The following PRKN variants were observed in gnomAD, a reference collection of about 807,000 sequenced individuals.
PRKN encodes the protein E3 ubiquitin-protein ligase parkin.
In PRKN, 56 loss-of-function variants were observed where a neutral mutation model predicts 59.5. The ratio of observed to expected loss-of-function variants is 0.94; its 90% CI spans 0.76 to 1.18. The LOEUF is 1.18. Among genes scored for constraint, PRKN ranks in the 50% most tolerant of loss-of-function variants. The probability of loss-of-function intolerance (pLI) is 0.00; values close to 1 mark genes in which losing one functional copy is unlikely to be tolerated. For missense variants in PRKN, 657 were observed against 596.4 expected, an observed-to-expected ratio of 1.10 and a Z score of -1.06; for synonymous variants, 250 against 222.1, an observed-to-expected ratio of 1.13 and a Z score of -1.12.
intron 6 of PRKN, among the ~76,000 whole-genome samples, chr6:161,895,420 C>G (rs1353583473): frequency 1.3e-5 from 2 of 152,208 alleles, no homozygotes; most frequent in Non-Finnish European, 2.9e-5. Context: ...TGCAGGTGGC[C>G]AGGAATCTAA....
At chr6:162,351,193 A>T (rs1784610172) in intron 2 of PRKN, among the ~76,000 whole-genome samples, 1 of 152,142 alleles carries the variant, frequency 6.6e-6, no homozygotes, top group African/African-American at 2.4e-5. Context: ...TACGTTTCCA[A>T]AAATAAAAAT....
rs1783159912 is a variant in PRKN at position 162,021,162 on chromosome 6, ATAT to A, written c.618+32926_618+32928del. ...TATATATATATATATATATATATAT[ATAT>A]AAAATATATGTGTATATATATTATA... On this transcript the variant is annotated intron_variant, in intron 5 of 11. Coordinates refer to ENST00000366898, the MANE Select transcript of PRKN (RefSeq NM_004562.3). Among the ~76,000 whole-genome samples the A allele has an allele frequency of 6.7e-4, 19 of 28,174 alleles. 2 individuals are homozygous for A. Among genetic ancestry groups the A allele is most frequent in the East Asian group, 5.6e-3 (3 of 536 alleles). The allele number at this position is 28,174 out of a possible 152,430, so 18.5% of individuals were successfully genotyped here.
chr6:162,648,086 A>G (rs188592210), intron 1 of PRKN, among the ~76,000 whole-genome samples: 313 of 152,120 alleles, frequency 2.1e-3, no homozygotes, highest in Non-Finnish European at 3.7e-3. Flanking sequence ...AAATCAACAA[A>G]TATCTGAGGA....
chr6:162,584,128 G>C (rs903012301), intron 1 of PRKN, among the ~76,000 whole-genome samples: 1 of 151,454 alleles, frequency 6.6e-6, no homozygotes, highest in African/African-American at 2.4e-5. Context: ...CAGGAGAATG[G>C]TGTGAACCCA....
intron 1 of PRKN, among the ~76,000 whole-genome samples, chr6:162,723,354 C>G (rs1192492545): frequency 6.6e-6 from 1 of 152,150 alleles, no homozygotes; most frequent in Admixed American, 6.5e-5. Flanking sequence ...AATAAAAAAT[C>G]TTCGATGGCA....
chr6:162,040,469 G>A (rs1456152361), intron 5 of PRKN, among the ~76,000 whole-genome samples: 8 of 150,256 alleles, frequency 5.3e-5, no homozygotes, highest in East Asian at 3.9e-4. Context: ...GCAATGGCAC[G>A]GTCTTGGCTC....
chr6:161,605,430 G>T (rs2128144649), intron 7 of PRKN, among the ~76,000 whole-genome samples: 1 of 151,956 alleles, frequency 6.6e-6, no homozygotes, highest in Non-Finnish European at 1.5e-5. Flanking sequence ...ATAGGTAATA[G>T]CAATCTATTC....
At chr6:161,619,884 TA>T (rs1776179616) in intron 7 of PRKN, among the ~76,000 whole-genome samples, 1 of 152,130 alleles carries the variant, frequency 6.6e-6, no homozygotes, top group East Asian at 1.9e-4. Flanking sequence ...TTGGATGTAT[TA>T]GGTTATATAA....
rs2128237382 is a variant in PRKN, at chr6:162,704,388, G to A, written c.7+23274C>T. Reference sequence around the variant, plus strand: ...AGACTCCTTAGAAGATTGAGCACCAGGGATGAAACCAGGTCATCACCAATC... The same window carrying A: ...AGACTCCTTAGAAGATTGAGCACCAAGGATGAAACCAGGTCATCACCAATC... On this transcript the variant is annotated intron_variant, in intron 1 of 11. Coordinates refer to ENST00000366898, the MANE Select transcript of PRKN (RefSeq NM_004562.3). Among the ~76,000 whole-genome samples the A allele has an allele frequency of 1.3e-5, 2 of 152,260 alleles. 1 individual carries two copies. Among genetic ancestry groups the A allele is most frequent in the South Asian group, 4.1e-4 (2 of 4,822 alleles).
intron 6 of PRKN, among the ~76,000 whole-genome samples, chr6:161,900,811 T>C (rs1394257456): frequency 2.1e-5 from 3 of 140,680 alleles, no homozygotes; most frequent in Non-Finnish European, 4.5e-5. Context: ...AATAAAATAA[T>C]ATGTAATATA....
intron 7 of PRKN, among the ~76,000 whole-genome samples, chr6:161,586,873 A>C (rs1781540330): frequency 6.6e-6 from 1 of 152,196 alleles, no homozygotes; most frequent in Admixed American, 6.5e-5. Context: ...AGCAACAACA[A>C]CCAATTATGA....
chr6:161,772,329 G>A (rs575086483), intron 7 of PRKN, among the ~76,000 whole-genome samples: 3 of 152,244 alleles, frequency 2.0e-5, no homozygotes, highest in African/African-American at 7.2e-5. Context: ...GATATAGCAG[G>A]CATCTCATTT....
intron 7 of PRKN, among the ~76,000 whole-genome samples, chr6:161,680,781 T>TTTTTTTTTGTTTTTG (rs1562604185): frequency 1.1e-5 from 1 of 93,806 alleles, no homozygotes; most frequent in African/African-American, 3.8e-5. Context: ...ATATATTTTT[T>TTTTTTTTTGTTTTTG]TTTTTTTTTC....
intron 4 of PRKN, among the ~76,000 whole-genome samples, chr6:162,185,607 A>C (rs1783995421): frequency 6.6e-6 from 1 of 152,122 alleles, no homozygotes; most frequent in Admixed American, 6.6e-5. Context: ...GCTTAGTCTA[A>C]ATGACAGCAG....
chr6:161,605,908 A>C (rs1782263074), intron 7 of PRKN, among the ~76,000 whole-genome samples: 1 of 152,138 alleles, frequency 6.6e-6, no homozygotes. Context: ...CAGAGGAGAA[A>C]ATAGGGGCTC....
chr6:161,370,611 A>AAAAAAAAAAAAAAG lies in PRKN; in HGVS notation c.1168-10407_1168-10406insCTTTTTTTTTTTTT, dbSNP rs1554253822. Among the ~76,000 whole-genome samples the AAAAAAAAAAAAAAG allele has an allele frequency of 6.8e-5, 10 of 146,960 alleles. 1 individual carries two copies. The highest frequency in any genetic ancestry group is 2.7e-4 in the African/African-American group (10 of 37,532). On this transcript the variant is annotated intron_variant, in intron 10 of 11. Transcript: ENST00000366898. ...TGTGTCAAAAAAAAAAAAAAAAAAA[A>AAAAAAAAAAAAAAG]GCCGAATTAGCGCCTAGGAGACACA...
intron 2 of PRKN, among the ~76,000 whole-genome samples, chr6:162,282,896 A>G (rs919939176): frequency 6.6e-6 from 1 of 152,174 alleles, no homozygotes; most frequent in Admixed American, 6.5e-5. Flanking sequence ...CTAAGCACAC[A>G]TTACTTTGAT....
rs879373776 is a variant in PRKN at position 161,906,662 on chromosome 6, ATATATATATATATG to A, written c.734+66626_734+66639del. On this transcript the variant is annotated intron_variant, in intron 6 of 11. Coordinates refer to ENST00000366898, the MANE Select transcript of PRKN (RefSeq NM_004562.3). ...GGGACAAATCTAATAGAACATACAT[ATATATATATATATG>A]TATATATGAGTTTATTTAGTAGTAT... 1.1e-4 allele frequency among the ~76,000 whole-genome samples: 12 copies of A among 108,364 alleles called. 1 individual carries two copies. The highest frequency in any genetic ancestry group is 4.9e-3 in the Middle Eastern group (1 of 206). 71.1% of individuals were successfully genotyped at this position (108,364 alleles called of 152,430 possible). A position where few individuals can be genotyped will look rare whatever the true frequency, so the allele number is the denominator to read the frequency against.
At chr6:161,947,435 T>C (rs1020735567) in intron 6 of PRKN, among the ~76,000 whole-genome samples, 2 of 152,238 alleles carry the variant, frequency 1.3e-5, no homozygotes, top group Admixed American at 6.5e-5. Flanking sequence ...GCAGACTTTA[T>C]TGATTCCAAA....
Sources: allele counts gnomAD v4.1 joint callset (sites outside exome capture counted in the v4.1 genomes callset), GRCh38; gene constraint gnomAD v4.1.1; transcripts MANE v1.5; gene names NCBI Gene and HGNC (gene_info 2026-07-23, HGNC 2026-07-21).